The following PPP2R5E variants were observed in gnomAD, a reference collection of about 807,000 sequenced individuals.
The protein encoded by PPP2R5E is protein phosphatase 2 regulatory subunit B'epsilon.
Under a neutral mutation model 65.3 loss-of-function variants are expected in PPP2R5E, and 4 were observed. The ratio of observed to expected loss-of-function variants is 0.06; its 90% CI spans 0.03 to 0.14. PPP2R5E has a LOEUF of 0.14. Among genes scored for constraint, PPP2R5E ranks in the 10% least tolerant of loss-of-function variants. The pLI is 1.00. For missense variants in PPP2R5E, 274 were observed against 556.1 expected, an observed-to-expected ratio of 0.49 and a Z score of 5.10; for synonymous variants, 183 against 187.4, an observed-to-expected ratio of 0.98 and a Z score of 0.19.
chr14:63,488,559 C>CA (rs1398626146), intron 2 of PPP2R5E, among the ~76,000 whole-genome samples: 3 of 151,792 alleles, frequency 2.0e-5, no homozygotes. Flanking sequence ...AAAAAATTCC[C>CA]AAAAAAGGGC....
At chr14:63,433,504 T>C (rs922958004) in intron 3 of PPP2R5E, among the ~76,000 whole-genome samples, 1 of 152,178 alleles carries the variant, frequency 6.6e-6, no homozygotes, top group African/African-American at 2.4e-5. Context: ...CTTGCCTGAT[T>C]CTGCAGAGAA....
At chr14:63,541,346 G>A (rs1368532512) in intron 1 of PPP2R5E, among the ~76,000 whole-genome samples, 1 of 152,166 alleles carries the variant, frequency 6.6e-6, no homozygotes, top group Admixed American at 6.5e-5. Flanking sequence ...CAACCAAGTT[G>A]AGTTCCCTTG....
chr14:63,455,671 G>A (rs1889080484), intron 2 of PPP2R5E, among the ~76,000 whole-genome samples: 1 of 152,124 alleles, frequency 6.6e-6, no homozygotes, highest in South Asian at 2.1e-4. Flanking sequence ...AAATAAAAAT[G>A]AAATAAGGCT....
Position 63,507,619 on chromosome 14 carries a change from G to T in PPP2R5E, c.157+31910C>A, listed in dbSNP as rs189300699. ...TTTTGAGACGGAGTCTTGTTCTGTCGCCCAGGCTGGAGTGCAGTGGTGTGA... is the reference window on the plus strand; with the variant it reads ...TTTTGAGACGGAGTCTTGTTCTGTCTCCCAGGCTGGAGTGCAGTGGTGTGA... On this transcript the variant is annotated intron_variant, in intron 2 of 13. Coordinates refer to ENST00000337537, the MANE Select transcript of PPP2R5E (RefSeq NM_006246.5). Among the ~76,000 whole-genome samples, 3 of 115,562 alleles carry T rather than the reference G, an allele frequency of 2.6e-5. No individual in the cohort carries two copies. The South Asian group carries it at 7.9e-4, about 30-fold the overall frequency. 75.8% of individuals were successfully genotyped at this position (115,562 alleles called of 152,430 possible).
intron 3 of PPP2R5E, among the ~76,000 whole-genome samples, chr14:63,422,658 C>A (rs1048815904): frequency 6.9e-6 from 1 of 144,290 alleles, no homozygotes; most frequent in African/African-American, 2.6e-5. Flanking sequence ...CCCCGGAGGA[C>A]GGAGCCTGCA....
rs1003996721 is a variant in PPP2R5E, at chr14:63,374,301, A to G, written c.*1708T>C. 1 of 152,008 alleles carries G rather than the reference A, an allele frequency of 6.6e-6. No individual in the cohort carries two copies. The highest frequency in any genetic ancestry group is 1.5e-5 in the Non-Finnish European group (1 of 67,982). The allele number at this position is 152,008 out of a possible 1,614,324, so 9.4% of individuals were successfully genotyped here. On this transcript the variant is annotated 3_prime_UTR_variant, in exon 14 of 14. Coordinates refer to ENST00000337537, the MANE Select transcript of PPP2R5E (RefSeq NM_006246.5). ...TACTTTATATTTAAATGTAAGGAAG[A>G]AAATATACAAGCCCATATTTATATT...
intron 5 of PPP2R5E, among the ~76,000 whole-genome samples, chr14:63,404,272 C>A (rs765551098): frequency 2.6e-5 from 4 of 152,200 alleles, no homozygotes; most frequent in Non-Finnish European, 5.9e-5. Context: ...CTGCCCTATT[C>A]CATGTAAAGT....
chr14:63,390,408 T>C (rs761911982), intron 10 of PPP2R5E, among the ~76,000 whole-genome samples: 2 of 151,878 alleles, frequency 1.3e-5, no homozygotes, highest in Non-Finnish European at 2.9e-5. Context: ...AGTTTTTAGA[T>C]CACAATATGG....
At chr14:63,494,127 T>C (rs1044153233) in intron 2 of PPP2R5E, among the ~76,000 whole-genome samples, 4 of 152,132 alleles carry the variant, frequency 2.6e-5, no homozygotes, top group Admixed American at 6.5e-5. Context: ...CCCACCAGCG[T>C]TGTTTACAAC....
intron 2 of PPP2R5E, among the ~76,000 whole-genome samples, chr14:63,481,824 G>A (rs971892800): frequency 6.6e-6 from 1 of 152,148 alleles, no homozygotes; most frequent in African/African-American, 2.4e-5. Context: ...AAGTATGAGA[G>A]GGTTATCGGT....
chr14:63,393,979 G>A (rs1470929229), intron 7 of PPP2R5E, 51 bp from the exon 8 acceptor site: 3 of 1,056,876 alleles, frequency 2.8e-6, no homozygotes, highest in Non-Finnish European at 2.9e-6. Context: ...AAGTTGAACT[G>A]AGACAAACTG....
intron 2 of PPP2R5E, among the ~76,000 whole-genome samples, chr14:63,497,770 A>AC (rs1043625476): frequency 3.9e-5 from 6 of 151,914 alleles, no homozygotes; most frequent in African/African-American, 1.2e-4. Context: ...AAACAAACAA[A>AC]AAAAAACAAA....
At chr14:63,393,594 C>CA (rs1885149283) in intron 8 of PPP2R5E, among the ~76,000 whole-genome samples, 1 of 152,088 alleles carries the variant, frequency 6.6e-6, no homozygotes, top group South Asian at 2.1e-4. Context: ...CGCTTGTAGT[C>CA]ACAGCTACTC....
chr14:63,496,052 T>C (rs17101245), intron 2 of PPP2R5E, among the ~76,000 whole-genome samples: 3,586 of 152,278 alleles, frequency 0.024, 143 homozygotes, highest in African/African-American at 0.082. Flanking sequence ...CAATTTGCAC[T>C]GTTCATTTTA....
intron 13 of PPP2R5E, among the ~76,000 whole-genome samples, chr14:63,379,646 C>T (rs916796359): frequency 3.9e-5 from 6 of 152,102 alleles, no homozygotes; most frequent in Non-Finnish European, 8.8e-5. Context: ...CAACCTCAAC[C>T]AGGAATAGAT....
chr14:63,456,323 T>C (rs557811570), intron 2 of PPP2R5E, among the ~76,000 whole-genome samples: 4 of 152,348 alleles, frequency 2.6e-5, no homozygotes, highest in African/African-American at 9.6e-5. Context: ...AAGAGATTCA[T>C]ATACTTAGCA....
At chr14:63,425,130 G>A (rs1469356404) in intron 3 of PPP2R5E, among the ~76,000 whole-genome samples, 1 of 152,138 alleles carries the variant, frequency 6.6e-6, no homozygotes, top group Non-Finnish European at 1.5e-5. Context: ...TAGAAGAAAA[G>A]GTAGACCAAC....
intron 2 of PPP2R5E, among the ~76,000 whole-genome samples, chr14:63,522,720 C>G (rs1892985733): frequency 1.3e-5 from 2 of 151,736 alleles, no homozygotes; most frequent in South Asian, 2.1e-4. Flanking sequence ...GCCGCCCCGT[C>G]TGAGAAGTGA....
At chr14:63,408,360 GC>G (rs11303337) in intron 5 of PPP2R5E, among the ~76,000 whole-genome samples, 50,223 of 151,988 alleles carry the variant, frequency 0.33, 12,555 homozygotes, top group African/African-American at 0.7. Flanking sequence ...GGACAATTAT[GC>G]CAATTTAACG....
Sources: gnomAD v4.1 joint callset for allele counts (sites outside exome capture counted in the v4.1 genomes callset) on GRCh38, gnomAD v4.1.1 for gene constraint, MANE v1.5 for transcripts, NCBI Gene and HGNC (gene_info 2026-07-23, HGNC 2026-07-21) for gene names.